TOX4: variants seen among roughly 807,000 people sequenced by gnomAD.
TOX4 encodes epidermal Langerhans cell protein LCP1.
Under a neutral mutation model 61.0 loss-of-function variants are expected in TOX4, and 12 were observed. The observed-to-expected ratio is 0.20, with a 90% CI of 0.13 to 0.32. The LOEUF (loss-of-function observed/expected upper bound fraction) is 0.32. Ranked by LOEUF, TOX4 falls within the 10% of genes least tolerant of loss-of-function variation. The pLI is 1.00. For missense variants in TOX4, 499 were observed against 753.3 expected (o/e 0.66, Z 3.95); for synonymous variants, 268 against 274.8 (o/e 0.98, Z 0.24).
chr14:21,495,398 C>A lies in TOX4; in HGVS notation c.1805+6C>A. 6.2e-7 allele frequency: 1 copy of A among 1,608,426 alleles called. No individual in the cohort carries two copies. Among genetic ancestry groups the A allele is most frequent in the Non-Finnish European group, 8.5e-7 (1 of 1,176,838 alleles). On this transcript the variant is annotated splice_donor_region_variant and intron_variant, in intron 8 of 8. Transcript: ENST00000448790. ...TGTGTGGTGAAGCACTGCAGGTGAGCTTACAGTTCTCCCTTTTATAATTCA... is the reference window on the plus strand; with the variant it reads ...TGTGTGGTGAAGCACTGCAGGTGAGATTACAGTTCTCCCTTTTATAATTCA...
chr14:21,482,349 G>A (rs548347827), intron 2 of TOX4, among the ~76,000 whole-genome samples: 5 of 152,150 alleles, frequency 3.3e-5, no homozygotes, highest in Non-Finnish European at 7.4e-5. Flanking sequence ...ATGACCCATA[G>A]TACCAGCGTA....
chr14:21,499,024 C>A lies in TOX4; in HGVS notation c.*2418C>A. The A allele has an allele frequency of 6.2e-7, 1 of 1,608,998 alleles. No homozygotes were observed. The highest frequency in any genetic ancestry group is 8.5e-7 in the Non-Finnish European group (1 of 1,175,376). ...ACTAGCCTGTTCTCTGGTCACCTTA[C>A]CAGTTGGGTTGCACATTGTGTGGTC... On this transcript the variant is annotated 3_prime_UTR_variant, in exon 9 of 9. Coordinates refer to ENST00000448790, the MANE Select transcript of TOX4 (RefSeq NM_014828.4).
chr14:21,484,475 A>C (rs1327410760), intron 2 of TOX4, among the ~76,000 whole-genome samples: 41 of 38,060 alleles, frequency 1.1e-3, no homozygotes, highest in East Asian at 5.9e-3. Context: ...CAGCCTCCTG[A>C]TGTAGATGGC....
At chr14:21,489,468 G>C in intron 5 of TOX4, 65 bp downstream of exon 5, 1 of 1,435,156 alleles carries the variant, frequency 7.0e-7, no homozygotes. Context: ...AAAAATTGAG[G>C]TTTTCTTTTT....
chr14:21,492,410 C>T (rs750338480), intron 6 of TOX4, 34 bp downstream of exon 6: 2 of 1,610,712 alleles, frequency 1.2e-6, no homozygotes, highest in South Asian at 2.2e-5. Flanking sequence ...ATATTTAAAC[C>T]AGTAAGAAGT....
rs753028532 is a variant in TOX4 at position 21,477,250 on chromosome 14, T to G, written c.-29T>G. The G allele has an allele frequency of 6.2e-7, 1 of 1,613,534 alleles. No individual in the cohort carries two copies. The highest frequency in any genetic ancestry group is 8.5e-7 in the Non-Finnish European group (1 of 1,179,834). ...GTGGGGGCGGTGGGAGCGATGAGGG[T>G]CTGAGACGGTGGGAGCGGTTGTGTG... On this transcript the variant is annotated 5_prime_UTR_variant, in exon 1 of 9. Transcript: ENST00000448790.
intron 2 of TOX4, 132 bp from the exon 3 acceptor site, chr14:21,487,319 T>G (rs1891204993): frequency 1.6e-6 from 2 of 1,270,520 alleles, no homozygotes; most frequent in African/African-American, 3.0e-5. Context: ...TCTAAGAAAT[T>G]GATTATAAAA....
In TOX4 at chr14:21,488,205, G is replaced by C. The variant is rs559025351; in HGVS notation, c.319-385G>C. On this transcript the variant is annotated intron_variant, in intron 3 of 8. Transcript: ENST00000448790. ...TATTTGATGCCAGACTTTAATATTGGCCTTATTTATGCTGATTGCCTATGT... is the reference window on the plus strand; with the variant it reads ...TATTTGATGCCAGACTTTAATATTGCCCTTATTTATGCTGATTGCCTATGT... 4.0e-4 allele frequency: 77 copies of C among 192,488 alleles called. No homozygotes were observed. The South Asian group carries it at 7.6e-3, about 19-fold the overall frequency. 11.9% of individuals were successfully genotyped at this position (192,488 alleles called of 1,614,324 possible).
chr14:21,498,791 G>T lies in TOX4; in HGVS notation c.*2185G>T. ...AATGGCTGAGGAAGATCCTTGGGTT[G>T]TGAAGAGAGTAGAAACCCTAGGGAG... On this transcript the variant is annotated 3_prime_UTR_variant, in exon 9 of 9. Coordinates refer to ENST00000448790, the MANE Select transcript of TOX4 (RefSeq NM_014828.4). 2 of 521,380 alleles carry T rather than the reference G, an allele frequency of 3.8e-6. No homozygotes were observed. The highest frequency in any genetic ancestry group is 2.4e-5 in the South Asian group (1 of 40,954). 32.3% of individuals were successfully genotyped at this position (521,380 alleles called of 1,614,324 possible).
chr14:21,477,711 G>T, intron 2 of TOX4, 147 bp downstream of exon 2: 1 of 805,118 alleles, frequency 1.2e-6, no homozygotes, highest in Non-Finnish European at 2.0e-6. Context: ...GTTGCTTCTA[G>T]AGCCTGTGGG....
At chr14:21,492,264 T>C (rs759861777) in intron 5 of TOX4, 32 bp from the exon 6 acceptor site, 2 of 1,472,930 alleles carry the variant, frequency 1.4e-6, no homozygotes, top group South Asian at 1.2e-5. Flanking sequence ...ATGGGGAGTT[T>C]TGTTTTTTTT....
In TOX4 at chr14:21,477,576, C is replaced by T. The variant is rs372402131; in HGVS notation, c.75+12C>T. 188 of 1,613,160 alleles carry T rather than the reference C, an allele frequency of 1.2e-4. No individual in the cohort carries two copies. Among genetic ancestry groups the T allele is most frequent in the Non-Finnish European group, 1.5e-4 (173 of 1,180,008 alleles). Reference sequence around the variant, plus strand: ...TGTCAGGGGCCGAGGTGAGCCAGAGCTGCCGACGCCGCGGGGGTAGGGCCT... The same window carrying T: ...TGTCAGGGGCCGAGGTGAGCCAGAGTTGCCGACGCCGCGGGGGTAGGGCCT... On this transcript the variant is annotated intron_variant, in intron 2 of 8. Transcript: ENST00000448790.
At position 21,477,270 on chromosome 14, in the gene TOX4, T is replaced by C. The variant is rs1312633594; in HGVS notation, c.-9T>C. The C allele has an allele frequency of 6.2e-7, 1 of 1,613,426 alleles. No homozygotes were observed. The highest frequency in any genetic ancestry group is 2.2e-5 in the East Asian group (1 of 44,848). The stretch of plus-strand genomic sequence containing the variant: ...GAGGGTCTGAGACGGTGGGAGCGGT[T>C]GTGTGAAGATGGAGGTAGGAACCTG... On this transcript the variant is annotated 5_prime_UTR_variant, in exon 1 of 9. Coordinates refer to ENST00000448790, the MANE Select transcript of TOX4 (RefSeq NM_014828.4).
rs201217428 is a variant in TOX4 at position 21,493,168 on chromosome 14, C to G, written c.1552C>G (p.Arg518Gly). The change falls in exon 7 of 9, where the codon CGG becomes GGG. Residue 518 changes from arginine (R) to glycine (G), a missense_variant. Physicochemically the swap from Arg to Gly is moderately radical, Grantham distance 125. This residue lies in a region of TOX4 where 296 missense variants were observed against 404.7 expected (regional missense o/e 0.73). Coordinates refer to ENST00000448790, the MANE Select transcript of TOX4 (RefSeq NM_014828.4). ...ACCAACTGTGGAAAGTAGTCCTGAG[C>G]GGCCTATGAACAACAGCCCTGAGGC... Reference protein sequence around the residue: ...VPPTVESSPERPMNNSPEAHT... With the variant: ...VPPTVESSPEGPMNNSPEAHT... 665 of 1,614,164 alleles carry G rather than the reference C, an allele frequency of 4.1e-4. No individual in the cohort carries two copies. The highest frequency in any genetic ancestry group is 5.4e-4 in the Non-Finnish European group (633 of 1,180,018).
intron 5 of TOX4, among the ~76,000 whole-genome samples, chr14:21,491,025 G>A (rs758622365): frequency 2.6e-5 from 4 of 152,228 alleles, no homozygotes; most frequent in Non-Finnish European, 4.4e-5. Context: ...GGGTTTCACC[G>A]TGTTGGTCAG....
rs2139637534 is a variant in TOX4 at position 21,498,680 on chromosome 14, C to G, written c.*2074C>G. 4.2e-6 allele frequency: 2 copies of G among 481,360 alleles called. No homozygotes were observed. Among genetic ancestry groups the G allele is most frequent in the Non-Finnish European group, 7.4e-6 (2 of 269,562 alleles). 29.8% of individuals were successfully genotyped at this position (481,360 alleles called of 1,614,324 possible). ...AAATGCTAGCAGCATGTGTTTTAAG[C>G]TCTGTTAAGGGGTGAAAGATGTAAT... On this transcript the variant is annotated 3_prime_UTR_variant, in exon 9 of 9. Transcript: ENST00000448790.
chr14:21,483,143 A>G (rs944017199), intron 2 of TOX4, among the ~76,000 whole-genome samples: 5 of 152,152 alleles, frequency 3.3e-5, no homozygotes, highest in Admixed American at 2.6e-4. Context: ...TATGAGGGGT[A>G]GTCACTTGTG....
At chr14:21,496,512 T>TAA in intron 8 of TOX4, 34 bp from the exon 9 acceptor site, 1 of 1,585,764 alleles carries the variant, frequency 6.3e-7, no homozygotes, top group Non-Finnish European at 8.7e-7. Context: ...AGTTTGTGTA[T>TAA]AATTCTGTTT....
chr14:21,489,510 T>G (rs1891248045), intron 5 of TOX4, 107 bp downstream of exon 5: 5 of 928,666 alleles, frequency 5.4e-6, no homozygotes. Flanking sequence ...ATCAGCTGTT[T>G]GTTAATGACA....
Sources: gnomAD v4.1 joint callset for allele counts (sites outside exome capture counted in the v4.1 genomes callset) on GRCh38, gnomAD v4.1.1 for gene constraint, gnomAD v4.1.1 regional missense constraint, MANE v1.5 for transcripts, NCBI Gene and HGNC (gene_info 2026-07-23, HGNC 2026-07-21) for gene names.